The following FRMPD4 variants were observed in gnomAD, a reference collection of about 807,000 sequenced individuals.
FRMPD4 encodes FERM and PDZ domain-containing protein 4.
Under a neutral mutation model 94.1 loss-of-function variants are expected in FRMPD4, and 22 were observed. The ratio of observed to expected loss-of-function variants is 0.23; its 90% CI spans 0.17 to 0.33. The LOEUF (loss-of-function observed/expected upper bound fraction) is 0.33, where lower values mean the gene tolerates loss of function less well. Among genes scored for constraint, FRMPD4 ranks in the 10% least tolerant of loss-of-function variants. The probability of loss-of-function intolerance (pLI) is 1.00; values close to 1 mark genes in which losing one functional copy is unlikely to be tolerated. For synonymous variants in FRMPD4, 631 were observed against 548.6 expected, an observed-to-expected ratio of 1.15 and a Z score of -2.10; for missense variants, 1,111 against 1,339.9, an observed-to-expected ratio of 0.83 and a Z score of 2.67.
rs767084164 is a variant in FRMPD4, at chrX:12,322,798, A to G, written c.42-175882A>G. On this transcript the variant is annotated intron_variant, in intron 1 of 16. Transcript: ENST00000675598. ...CAGAAGATATCAGTGCCTTTTATGT[A>G]GTGGAATGCCTTATATAAATATTGT... is the stretch of plus-strand genomic sequence containing the variant. Among the ~76,000 whole-genome samples, 5 of 111,972 alleles carry G rather than the reference A, an allele frequency of 4.5e-5. No individual in the cohort carries two copies. The East Asian group carries it at 1.4e-3, about 31-fold the overall frequency.
chrX:12,388,850 T>TATATATACACAC (rs1491368741), intron 1 of FRMPD4, among the ~76,000 whole-genome samples: 1 of 73,466 alleles, frequency 1.4e-5, no homozygotes, highest in African/African-American at 6.4e-5. Flanking sequence ...TATATATATA[T>TATATATACACAC]ACACACAATG....
chrX:12,484,511 G>C (rs2057720028), intron 1 of FRMPD4, among the ~76,000 whole-genome samples: 1 of 112,231 alleles, frequency 8.9e-6, no homozygotes, highest in Non-Finnish European at 1.9e-5. Context: ...CAAAATGGCT[G>C]TCAGAGACAC....
intron 2 of FRMPD4, among the ~76,000 whole-genome samples, chrX:12,606,024 G>A: frequency 2.7e-5 from 3 of 112,605 alleles, no homozygotes; most frequent in Middle Eastern, 9.1e-3. Context: ...GAACAAATGA[G>A]TGCATTGTGG....
intron 3 of FRMPD4, among the ~76,000 whole-genome samples, chrX:11,974,214 T>A (rs190639934): frequency 9.0e-6 from 1 of 110,768 alleles, no homozygotes; most frequent in African/African-American, 3.3e-5. Flanking sequence ...TGGGAGGTGT[T>A]TGGGTCATGG....
In FRMPD4 at chrX:11,862,709, T is replaced by C. The variant is rs749673439; in HGVS notation, c.-160-2377T>C. Among the ~76,000 whole-genome samples the C allele has an allele frequency of 3.6e-5, 4 of 111,382 alleles. No individual in the cohort carries two copies. In the South Asian group the frequency reaches 1.5e-3, roughly 42 times the overall value. On this transcript the variant is annotated intron_variant, in intron 1 of 18. Transcript: ENST00000640291. ...TGGCTCAGGAACTCCCTGACAGTTT[T>C]GCTGAACCTTCCTTAGACATTAAGG...
chrX:12,024,094 C>G (rs2054646368), intron 3 of FRMPD4, among the ~76,000 whole-genome samples: 1 of 112,040 alleles, frequency 8.9e-6, no homozygotes, highest in Admixed American at 9.5e-5. Context: ...CTGCCATTTT[C>G]TTTTGCCTTC....
chrX:12,508,817 C>T (rs756003873), intron 2 of FRMPD4, among the ~76,000 whole-genome samples: 8 of 108,662 alleles, frequency 7.4e-5, no homozygotes, highest in Non-Finnish European at 1.3e-4. Context: ...TATGGTGAAA[C>T]CCCATCTCTA....
At chrX:12,068,010 C>A (rs2054936060) in intron 3 of FRMPD4, among the ~76,000 whole-genome samples, 1 of 111,536 alleles carries the variant, frequency 9.0e-6, no homozygotes, top group South Asian at 3.8e-4. Context: ...GACTCCATGT[C>A]ATCCTGAGGG....
chrX:11,934,866 TTTG>T (rs1420058051), intron 3 of FRMPD4, among the ~76,000 whole-genome samples: 15 of 111,613 alleles, frequency 1.3e-4, no homozygotes, highest in African/African-American at 4.2e-4. Context: ...ACAAGATCGT[TTTG>T]TTGTTGTTGT....
intron 3 of FRMPD4, among the ~76,000 whole-genome samples, chrX:12,123,719 A>G (rs2055476261): frequency 9.0e-6 from 1 of 111,480 alleles, no homozygotes; most frequent in South Asian, 3.9e-4. Context: ...GTCCAGTAGC[A>G]ACCCTTCTTA....
rs915837330 is a variant in FRMPD4, at chrX:12,683,464, A to G, written c.469-19A>G. ...ATTATGTTACCAGTAATCAGATAAA[A>G]TGTTTTCTTTTCTTCTAGTCTCCCA... On this transcript the variant is annotated intron_variant, in intron 5 of 16. Coordinates refer to ENST00000675598, the MANE Select transcript of FRMPD4 (RefSeq NM_001368397.1). The G allele has an allele frequency of 5.9e-6, 5 of 844,410 alleles. No individual in the cohort carries two copies. The highest frequency in any genetic ancestry group is 2.3e-5 in the Admixed American group (1 of 43,881). 69.6% of individuals were successfully genotyped at this position (844,410 alleles called of 1,213,427 possible). A position where few individuals can be genotyped will look rare whatever the true frequency, so the allele number is the denominator to read the frequency against.
intron 2 of FRMPD4, among the ~76,000 whole-genome samples, chrX:12,575,505 A>T (rs765140039): frequency 3.6e-5 from 4 of 111,352 alleles, no homozygotes; most frequent in Non-Finnish European, 7.5e-5. Flanking sequence ...GTTGACAGCT[A>T]GTAGCCCTTT....
intron 1 of FRMPD4, among the ~76,000 whole-genome samples, chrX:12,160,544 C>T (rs1279965317): frequency 3.6e-5 from 4 of 111,438 alleles, no homozygotes; most frequent in African/African-American, 9.8e-5. Context: ...TTGTATTTTC[C>T]GTGTAACATT....
chrX:12,655,513 G>T (rs1439857802), intron 4 of FRMPD4, among the ~76,000 whole-genome samples: 1 of 112,117 alleles, frequency 8.9e-6, no homozygotes, highest in Non-Finnish European at 1.9e-5. Context: ...ATGCTGCCAT[G>T]ATACAGTATG....
chrX:12,545,255 ATT>A (rs62701060), intron 2 of FRMPD4, among the ~76,000 whole-genome samples: 1 of 108,372 alleles, frequency 9.2e-6, no homozygotes, highest in African/African-American at 3.4e-5. Flanking sequence ...ATATTATGAG[ATT>A]TTTTTTTAAG....
intron 1 of FRMPD4, among the ~76,000 whole-genome samples, chrX:12,171,881 G>A (rs1199889301): frequency 9.0e-6 from 1 of 111,383 alleles, no homozygotes; most frequent in Non-Finnish European, 1.9e-5. Flanking sequence ...CCATTCTCAG[G>A]TATTAAGAGG....
Position 12,717,734 on chromosome X carries a change from G to A in FRMPD4, c.2908G>A (p.Ala970Thr), listed in dbSNP as rs1198625258. The A allele has an allele frequency of 4.1e-6, 5 of 1,211,512 alleles. No individual in the cohort carries two copies. The highest frequency in any genetic ancestry group is 3.0e-5 in the East Asian group (1 of 33,850). Residue 970 changes from alanine to threonine, a missense_variant, in exon 16 of 17, where the codon GCC (alanine) becomes ACC (threonine). Coordinates refer to ENST00000675598, the MANE Select transcript of FRMPD4 (RefSeq NM_001368397.1). ...AGGLPPKSSH[A>T]LAARPATDLP... Reference sequence around the variant, plus strand: ...GGGCTTGCCTCCAAAGTCCTCGCACGCCCTGGCTGCTAGGCCAGCAACCGA... The same window carrying A: ...GGGCTTGCCTCCAAAGTCCTCGCACACCCTGGCTGCTAGGCCAGCAACCGA...
chrX:12,386,910 GT>G (rs1325801247), intron 1 of FRMPD4, among the ~76,000 whole-genome samples: 1 of 111,717 alleles, frequency 9.0e-6, no homozygotes, highest in Admixed American at 9.5e-5. Flanking sequence ...CGGACAATTT[GT>G]TTTTTGTTCT....
At chrX:12,007,651 C>T (rs1316301045) in intron 3 of FRMPD4, among the ~76,000 whole-genome samples, 1 of 111,849 alleles carries the variant, frequency 8.9e-6, no homozygotes, top group Non-Finnish European at 1.9e-5. Flanking sequence ...CACACTGTTG[C>T]CTTCCTTCCT....
Sources: allele counts gnomAD v4.1 joint callset (sites outside exome capture counted in the v4.1 genomes callset), GRCh38; gene constraint gnomAD v4.1.1; transcripts MANE v1.5; gene names NCBI Gene and HGNC (gene_info 2026-07-23, HGNC 2026-07-21).